The following PGAP2 variants were observed in gnomAD, a reference collection of about 807,000 sequenced individuals.
The protein encoded by PGAP2 is acyltransferase PGAP2.
Under a neutral mutation model 33.2 loss-of-function variants are expected in PGAP2, and 21 were observed. The observed-to-expected ratio is 0.63, with a 90% confidence interval of 0.45 to 0.91. PGAP2 has a LOEUF of 0.91. PGAP2 is among the 40% of genes least tolerant of loss of function. The pLI is 0.00. For synonymous variants in PGAP2, 161 were observed against 172.9 expected (o/e 0.93, Z 0.54); for missense variants, 345 against 424.0 (o/e 0.81, Z 1.64).
intron 1 of PGAP2, among the ~76,000 whole-genome samples, chr11:3,800,487 TATTA>T (rs1443816252): frequency 1.3e-5 from 2 of 152,206 alleles, no homozygotes; most frequent in Non-Finnish European, 1.5e-5. Flanking sequence ...TAAATTTATT[TATTA>T]ATTTAATTTA....
rs1460214543 is a variant in PGAP2 at position 3,825,489 on chromosome 11, C to T, written c.*31C>T. 2.5e-6 allele frequency: 4 copies of T among 1,604,496 alleles called. No homozygotes were observed. The highest frequency in any genetic ancestry group is 2.2e-5 in the East Asian group (1 of 44,810). On this transcript the variant is annotated 3_prime_UTR_variant, in exon 7 of 7. Transcript: ENST00000278243. ...TCAGTCCTGCTTGGGAGGACGCAGC[C>T]CACTGCCCAGAAACAAGAAACACGA...
chr11:3,808,402 G>A, upstream of PGAP2: 2 of 1,546,890 alleles, frequency 1.3e-6, no homozygotes, highest in Non-Finnish European at 1.7e-6. Context: ...GAAATTAGTG[G>A]GGGCAGACCC....
intron 1 of PGAP2, among the ~76,000 whole-genome samples, chr11:3,798,331 T>TTTTTTC (rs763276498): frequency 1.1e-4 from 17 of 152,310 alleles, no homozygotes; most frequent in Non-Finnish European, 2.1e-4. Context: ...CTAATTCTTT[T>TTTTTTC]TTTTTCTTTT....
At chr11:3,807,972 GC>G, upstream of PGAP2, 1 of 1,113,372 alleles carries the variant, frequency 9.0e-7, no homozygotes, top group Non-Finnish European at 1.1e-6. Flanking sequence ...AAGGCTGGTG[GC>G]TGGAAATCCT....
At chr11:3,813,664 G>C (rs1257039171) in intron 2 of PGAP2, among the ~76,000 whole-genome samples, 1 of 152,162 alleles carries the variant, frequency 6.6e-6, no homozygotes, top group Admixed American at 6.5e-5. Context: ...GATTATAGGC[G>C]TGAGCCACTG....
Position 3,823,892 on chromosome 11 carries a change from T to C in PGAP2, c.358T>C (p.Tyr120His). Residue 120 changes from tyrosine to histidine, a missense_variant, in exon 4 of 7, where the codon TAC becomes CAC. By Grantham distance (83) the Tyr-to-His change is moderately conservative. Around this residue, in one of 2 missense-constraint regions of PGAP2, gnomAD observed 311 missense variants for 353.6 expected, o/e 0.88. Transcript: ENST00000278243. ...GGTCACAACTCTCTAGGTGCCCAAT[T>C]ACCTGCCCTCGGTGAGCTCAGCCAT... is the stretch of plus-strand genomic sequence containing the variant. ...TVATDCGVPN[Y>H]LPSVSSAIGG... The C allele has an allele frequency of 6.2e-7, 1 of 1,603,542 alleles. No homozygotes were observed. Among genetic ancestry groups the C allele is most frequent in the Non-Finnish European group, 8.5e-7 (1 of 1,179,882 alleles).
In PGAP2 at chr11:3,817,481, C is replaced by T; in HGVS notation, c.294C>T (p.Cys98=). 2 of 1,614,172 alleles carry T rather than the reference C, an allele frequency of 1.2e-6. No individual in the cohort carries two copies. Among genetic ancestry groups the T allele is most frequent in the African/African-American group, 2.7e-5 (2 of 75,062 alleles). The change falls in exon 3 of 7, where the codon TGC becomes TGT. Residue 98 remains cysteine, a synonymous_variant. Coordinates refer to ENST00000278243, the MANE Select transcript of PGAP2 (RefSeq NM_014489.4). ...TTCCTGTGTTCGGCTTCTTCTTCTG[C>T]ATCATCTGGTCCCTGGTGTTCCACT... ...ITFPVFGFFF[C]IIWSLVFHFE...
At chr11:3,819,850 A>G (rs769897294) in intron 3 of PGAP2, among the ~76,000 whole-genome samples, 7 of 151,980 alleles carry the variant, frequency 4.6e-5, no homozygotes, top group Non-Finnish European at 1.0e-4. Flanking sequence ...CTGTGTGTAT[A>G]TGTGCGTGTG....
chr11:3,804,266 C>A (rs2083962458), upstream of PGAP2, among the ~76,000 whole-genome samples: 1 of 151,900 alleles, frequency 6.6e-6, no homozygotes, highest in African/African-American at 2.4e-5. Flanking sequence ...GAGAACATTC[C>A]AAGCTAGATG....
At chr11:3,798,073 G>A in intron 1 of PGAP2, 1 of 1,504,438 alleles carries the variant, frequency 6.6e-7, no homozygotes, top group South Asian at 1.3e-5. Flanking sequence ...CCCAGACCAC[G>A]TGCGGAGCCT....
At chr11:3,808,272 T>C, upstream of PGAP2, 1 of 1,551,206 alleles carries the variant, frequency 6.4e-7, no homozygotes, top group East Asian at 2.4e-5. Flanking sequence ...CCTGTTGAAT[T>C]AATTTTGTGT....
intron 4 of PGAP2, 65 bp from the exon 5 acceptor site, chr11:3,824,205 G>T (rs1590421761): frequency 6.2e-7 from 1 of 1,612,194 alleles, no homozygotes; most frequent in Non-Finnish European, 8.5e-7. Flanking sequence ...TACCACATTC[G>T]GACCTTCCTA....
chr11:3,823,833 A>T, intron 3 of PGAP2, 50 bp from the exon 4 acceptor site: 1 of 1,596,992 alleles, frequency 6.3e-7, no homozygotes, highest in Middle Eastern at 1.7e-4. Flanking sequence ...GGTTCTCCAC[A>T]TGGGCGGGGC....
upstream of PGAP2, chr11:3,808,139 G>A (rs1022433467): frequency 2.0e-5 from 29 of 1,452,822 alleles, no homozygotes; most frequent in Non-Finnish European, 2.4e-5. Context: ...AGCAAAGTTT[G>A]GGGGAGGGGC....
At chr11:3,801,494 T>C (rs1411735777) in intron 1 of PGAP2, among the ~76,000 whole-genome samples, 1 of 150,834 alleles carries the variant, frequency 6.6e-6, no homozygotes, top group Admixed American at 6.6e-5. Context: ...TACAAAAAAT[T>C]AGCCGGGCGC....
At chr11:3,808,241 G>A (rs2084799596), upstream of PGAP2, 26 of 1,545,426 alleles carry the variant, frequency 1.7e-5, no homozygotes, top group South Asian at 3.0e-4. Flanking sequence ...AGAGACGGGC[G>A]GATGAGAAAG....
intron 1 of PGAP2, among the ~76,000 whole-genome samples, chr11:3,808,873 G>C (rs1206131299): frequency 6.6e-6 from 1 of 152,204 alleles, no homozygotes; most frequent in East Asian, 1.9e-4. Flanking sequence ...CAGGGGTTGA[G>C]CTCTCCCTTT....
At chr11:3,808,263 C>T (rs1384985301), upstream of PGAP2, 1 of 1,551,278 alleles carries the variant, frequency 6.4e-7, no homozygotes, top group East Asian at 2.4e-5. Context: ...AATCCGGCCC[C>T]TGTTGAATTA....
intron 3 of PGAP2, among the ~76,000 whole-genome samples, chr11:3,821,830 A>T (rs1470267479): frequency 6.7e-6 from 1 of 150,262 alleles, no homozygotes; most frequent in Non-Finnish European, 1.5e-5. Context: ...TGAGAGGCCG[A>T]GGGGGGTGGA....
Sources: gnomAD v4.1 joint callset for allele counts (sites outside exome capture counted in the v4.1 genomes callset) on GRCh38, gnomAD v4.1.1 for gene constraint, gnomAD v4.1.1 regional missense constraint, MANE v1.5 for transcripts, NCBI Gene and HGNC (gene_info 2026-07-23, HGNC 2026-07-21) for gene names.